The following UBE4B variants were observed in gnomAD, a reference collection of about 807,000 sequenced individuals.
The protein encoded by UBE4B is ubiquitination factor E4B, also known as ubiquitin conjugation factor E4 B.
In UBE4B, 27 loss-of-function variants were observed where a neutral mutation model predicts 148.1. The observed-to-expected ratio is 0.18, with a 90% CI of 0.13 to 0.25. UBE4B has a LOEUF of 0.25. UBE4B is among the 10% of genes least tolerant of loss of function. UBE4B has a pLI of 1.00. For missense variants in UBE4B, 1,170 were observed against 1,662.4 expected (o/e 0.70, Z 5.15); for synonymous variants, 596 against 619.3 (o/e 0.96, Z 0.56).
Position 10,146,951 on chromosome 1 carries a change from C to T in UBE4B, c.2464-12C>T. 1 of 1,613,300 alleles carries T rather than the reference C, an allele frequency of 6.2e-7. No homozygotes were observed. The highest frequency in any genetic ancestry group is 8.5e-7 in the Non-Finnish European group (1 of 1,179,434). On this transcript the variant is annotated splice_polypyrimidine_tract_variant and intron_variant, in intron 18 of 27. Transcript: ENST00000343090. ...GACTGATCTTTGGGTGGGGACATCC[C>T]TGCTTCCACAGAAACTGGTACGGTG...
At chr1:10,095,727 A>G in intron 3 of UBE4B, 131 bp downstream of exon 3, 1 of 940,854 alleles carries the variant, frequency 1.1e-6, no homozygotes, top group Non-Finnish European at 1.6e-6. Context: ...AATTAGTGTC[A>G]AATGTATTAA....
intron 1 of UBE4B, among the ~76,000 whole-genome samples, chr1:10,037,078 A>G (rs1362620572): frequency 6.6e-6 from 1 of 152,112 alleles, no homozygotes. Context: ...CCCAGGCTGG[A>G]GTGCAATGGC....
At chr1:10,153,610 A>G (rs540539553) in intron 21 of UBE4B, among the ~76,000 whole-genome samples, 8 of 151,246 alleles carry the variant, frequency 5.3e-5, no homozygotes, top group Admixed American at 5.3e-4. Flanking sequence ...ACCTGAGGTC[A>G]GGAGTTCGAG....
intron 1 of UBE4B, among the ~76,000 whole-genome samples, chr1:10,049,465 C>G (rs999062786): frequency 6.6e-6 from 1 of 152,074 alleles, no homozygotes; most frequent in Non-Finnish European, 1.5e-5. Flanking sequence ...AACACTGTAG[C>G]CAGACGCAAT....
rs74375613 is a variant in UBE4B at position 10,145,176 on chromosome 1, A to T, written c.2463+137A>T. ...CTTTTCCCTTCCAATAAAATAGTAT[A>T]TTTTAAAACTTGTTGATACCTTACT... On this transcript the variant is annotated intron_variant, in intron 18 of 27. Coordinates refer to ENST00000343090, the MANE Select transcript of UBE4B (RefSeq NM_001105562.3). The T allele has an allele frequency of 6.9e-3, 4,210 of 606,424 alleles. 129 individuals carry two copies. Among genetic ancestry groups the T allele is most frequent in the African/African-American group, 0.069 (3,726 of 54,252 alleles). 37.6% of individuals were successfully genotyped at this position (606,424 alleles called of 1,614,324 possible).
In UBE4B at chr1:10,106,660, T is replaced by C; in HGVS notation, c.1196+77T>C. The C allele has an allele frequency of 6.8e-7, 1 of 1,467,442 alleles. No individual in the cohort carries two copies. The highest frequency in any genetic ancestry group is 9.0e-7 in the Non-Finnish European group (1 of 1,114,618). 90.9% of individuals were successfully genotyped at this position (1,467,442 alleles called of 1,614,324 possible). A position where few individuals can be genotyped will look rare whatever the true frequency, so the allele number is the denominator to read the frequency against. On this transcript the variant is annotated intron_variant, in intron 7 of 27. Transcript: ENST00000343090. This position sits in a 1 kb window ranked among gnomAD's most constrained non-coding sequence, Gnocchi z 4.2. Reference sequence around the variant, plus strand: ...GATTAACACGGTTTGGAAGAAGTGCTGTGTGACACTGACTCTGTTAAATTG... The same window carrying C: ...GATTAACACGGTTTGGAAGAAGTGCCGTGTGACACTGACTCTGTTAAATTG...
rs112866835 is a variant in UBE4B at position 10,036,082 on chromosome 1, C to CTT, written c.24+2404_24+2405dup. 3.3e-3 allele frequency among the ~76,000 whole-genome samples: 451 copies of CTT among 136,452 alleles called. 3 individuals are homozygous for CTT. The highest frequency in any genetic ancestry group is 4.2e-3 in the African/African-American group (157 of 37,188). 89.5% of individuals were successfully genotyped at this position (136,452 alleles called of 152,430 possible). Reference sequence around the variant, plus strand: ...AGTAGTCCTTTACTCCTATAAATTACTTTTTTTTTTTTTTTTTGATGATCT... The same window carrying CTT: ...AGTAGTCCTTTACTCCTATAAATTACTTTTTTTTTTTTTTTTTTTGATGATCT... On this transcript the variant is annotated intron_variant, in intron 1 of 27. Coordinates refer to ENST00000343090, the MANE Select transcript of UBE4B (RefSeq NM_001105562.3).
intron 1 of UBE4B, among the ~76,000 whole-genome samples, chr1:10,064,026 C>T (rs1237468202): frequency 1.3e-5 from 2 of 152,112 alleles, no homozygotes. Flanking sequence ...GTATTCACAG[C>T]TCGTCATGAG....
chr1:10,114,231 T>G (rs1645269891), intron 7 of UBE4B, among the ~76,000 whole-genome samples: 1 of 152,158 alleles, frequency 6.6e-6, no homozygotes, highest in Non-Finnish European at 1.5e-5. Flanking sequence ...CATAGGAAAA[T>G]TACCCTCAAT....
intron 2 of UBE4B, chr1:10,072,653 G>A (rs1644508845): frequency 1.7e-6 from 1 of 580,730 alleles, no homozygotes; most frequent in African/African-American, 1.9e-5. Flanking sequence ...CTTTTCAGAG[G>A]ATAAAACTAC....
intron 1 of UBE4B, among the ~76,000 whole-genome samples, chr1:10,057,096 G>A (rs1644187073): frequency 6.6e-6 from 1 of 152,004 alleles, no homozygotes; most frequent in South Asian, 2.1e-4. Flanking sequence ...ACAGGTGTGA[G>A]CCACCACACC....
chr1:10,065,226 A>G (rs910134015), intron 1 of UBE4B, among the ~76,000 whole-genome samples: 4 of 152,210 alleles, frequency 2.6e-5, no homozygotes, highest in African/African-American at 9.7e-5. Flanking sequence ...ATGGAGAACC[A>G]CTAAAGCAGA....
intron 25 of UBE4B, among the ~76,000 whole-genome samples, chr1:10,178,021 C>T (rs780129887): frequency 6.6e-6 from 1 of 152,054 alleles, no homozygotes; most frequent in African/African-American, 2.4e-5. Context: ...ACTTCCCTTC[C>T]TGGGGACATA....
intron 25 of UBE4B, among the ~76,000 whole-genome samples, chr1:10,173,219 C>T (rs1411806237): frequency 6.6e-6 from 1 of 152,130 alleles, no homozygotes; most frequent in Admixed American, 6.6e-5. Context: ...TGGCTCATGC[C>T]TGTAATCCCA....
chr1:10,176,866 A>C (rs1368228552), intron 25 of UBE4B, among the ~76,000 whole-genome samples: 3 of 129,302 alleles, frequency 2.3e-5, no homozygotes, highest in East Asian at 2.2e-4. Context: ...GCCTACTGCA[A>C]CCTCCACCTC....
At chr1:10,108,899 GT>G (rs1645167036) in intron 7 of UBE4B, among the ~76,000 whole-genome samples, 1 of 152,148 alleles carries the variant, frequency 6.6e-6, no homozygotes, top group Non-Finnish European at 1.5e-5. Context: ...TGTGTTACCT[GT>G]TTTACTGTAA....
At chr1:10,079,084 A>G (rs1644631858) in intron 2 of UBE4B, among the ~76,000 whole-genome samples, 2 of 152,100 alleles carry the variant, frequency 1.3e-5, no homozygotes, top group South Asian at 4.1e-4. Context: ...CTCTCAAAGT[A>G]TTGGGATTAC....
intron 17 of UBE4B, 87 bp from the exon 18 acceptor site, chr1:10,144,853 G>A (rs1039833640): frequency 1.4e-5 from 12 of 875,256 alleles, no homozygotes; most frequent in African/African-American, 8.5e-5. Context: ...AAACAACTGC[G>A]TGTGAGAGTC....
chr1:10,136,078 G>A (rs1645677578), intron 16 of UBE4B, among the ~76,000 whole-genome samples: 1 of 152,106 alleles, frequency 6.6e-6, no homozygotes, highest in South Asian at 2.1e-4. Flanking sequence ...GGAATCAGTA[G>A]TTTATTAACA....
Sources: allele counts gnomAD v4.1 joint callset (sites outside exome capture counted in the v4.1 genomes callset), GRCh38; gene constraint gnomAD v4.1.1; non-coding constraint Gnocchi (gnomAD v3.1); transcripts MANE v1.5; gene names NCBI Gene and HGNC (gene_info 2026-07-23, HGNC 2026-07-21).